The following GNB4 variants were observed in gnomAD, a reference collection of about 807,000 sequenced individuals.
GNB4 encodes G protein subunit beta 4.
A neutral mutation model predicts 45.2 loss-of-function variants in GNB4; 28 were observed. The ratio of observed to expected loss-of-function variants is 0.62; its 90% CI spans 0.46 to 0.85. GNB4 has a LOEUF of 0.85. Among genes scored for constraint, GNB4 ranks in the 40% least tolerant of loss-of-function variants. The pLI is 0.00. For synonymous variants in GNB4, 132 were observed against 143.7 expected (o/e 0.92, Z 0.58); for missense variants, 321 against 425.4 (o/e 0.75, Z 2.16).
chr3:179,443,686 G>A (rs1481426117), intron 1 of GNB4, among the ~76,000 whole-genome samples: 1 of 152,148 alleles, frequency 6.6e-6, no homozygotes, highest in Non-Finnish European at 1.5e-5. Context: ...ACAAGCAAGT[G>A]TACTTATGGT....
chr3:179,451,512 C>G (rs1345058348), upstream of GNB4: 2 of 150,582 alleles, frequency 1.3e-5, no homozygotes, highest in Non-Finnish European at 3.0e-5. Context: ...CGCGGCGCGC[C>G]GGAGCCGGGG....
chr3:179,458,383 T>C, the GNB4 span, among the ~76,000 whole-genome samples: 1 of 152,228 alleles, frequency 6.6e-6, no homozygotes, highest in Non-Finnish European at 1.5e-5. Flanking sequence ...AAGTGTTCTT[T>C]GGGAAAACAC....
At chr3:179,434,095 CT>C (rs772952093) in intron 1 of GNB4, among the ~76,000 whole-genome samples, 1 of 152,220 alleles carries the variant, frequency 6.6e-6, no homozygotes, top group Non-Finnish European at 1.5e-5. Flanking sequence ...ATCTTTCAAC[CT>C]GACAATTCAA....
intron 1 of GNB4, among the ~76,000 whole-genome samples, chr3:179,431,690 G>A (rs544192100): frequency 3.7e-4 from 57 of 152,218 alleles, no homozygotes; most frequent in African/African-American, 1.1e-3. Context: ...TAGATCTACC[G>A]GCTAGATTAT....
At chr3:179,458,039 G>C in the GNB4 span, among the ~76,000 whole-genome samples, 1 of 151,952 alleles carries the variant, frequency 6.6e-6, no homozygotes, top group Non-Finnish European at 1.5e-5. Context: ...TGAGTAGCTG[G>C]AATTACAGGT....
chr3:179,495,545 T>TAAAAG, the GNB4 span, among the ~76,000 whole-genome samples: 1 of 125,544 alleles, frequency 8.0e-6, no homozygotes, highest in Non-Finnish European at 1.7e-5. Context: ...GAGGAGAAAA[T>TAAAAG]AAAAGAAAAG....
chr3:179,408,735 T>C (rs1374348603), intron 8 of GNB4, among the ~76,000 whole-genome samples: 1 of 151,234 alleles, frequency 6.6e-6, no homozygotes, highest in Non-Finnish European at 1.5e-5. Context: ...GAGGTTGCAG[T>C]GAGCCGAGAT....
Position 179,447,005 on chromosome 3 carries a change from G to A in GNB4, c.-43+4341C>T, listed in dbSNP as rs1715749372. Among the ~76,000 whole-genome samples, 3 of 152,212 alleles carry A rather than the reference G, an allele frequency of 2.0e-5. No individual in the cohort carries two copies. The South Asian group carries it at 6.2e-4, about 32-fold the overall frequency. On this transcript the variant is annotated intron_variant, in intron 1 of 9. Transcript: ENST00000232564. The stretch of plus-strand genomic sequence containing the variant: ...TGCTTTGTTCTGTATCTGTCTAGGA[G>A]ATAAATAATACAGCACATCAATAAC...
chr3:179,458,334 A>G, the GNB4 span, among the ~76,000 whole-genome samples: 81 of 152,306 alleles, frequency 5.3e-4, 1 homozygote, highest in East Asian at 8.5e-3. Context: ...GAGAGAAACC[A>G]GCTTCTGCTC....
chr3:179,487,681 G>A, the GNB4 span, among the ~76,000 whole-genome samples: 1 of 152,072 alleles, frequency 6.6e-6, no homozygotes, highest in Non-Finnish European at 1.5e-5. Context: ...CTGCCACAAG[G>A]TTTTTTGTTT....
At chr3:179,511,660 T>C in the GNB4 span, among the ~76,000 whole-genome samples, 4 of 152,102 alleles carry the variant, frequency 2.6e-5, no homozygotes, top group African/African-American at 9.7e-5. Flanking sequence ...ATAAGGTTAT[T>C]ATGAGGATTA....
At chr3:179,494,698 A>C in the GNB4 span, among the ~76,000 whole-genome samples, 1 of 152,046 alleles carries the variant, frequency 6.6e-6, no homozygotes, top group Non-Finnish European at 1.5e-5. Flanking sequence ...TCACGAGGTC[A>C]GGAGATCAAG....
chr3:179,451,031 G>C (rs1242423236), intron 1 of GNB4: 1 of 152,268 alleles, frequency 6.6e-6, no homozygotes, highest in African/African-American at 2.4e-5. Context: ...GAGAAACCAG[G>C]GGGGTCTGCA....
At chr3:179,452,506 C>T (rs996050768), upstream of GNB4, 6 of 152,134 alleles carry the variant, frequency 3.9e-5, no homozygotes, top group African/African-American at 1.2e-4. Flanking sequence ...CATCAGATAA[C>T]TTTAACAACC....
the GNB4 span, among the ~76,000 whole-genome samples, chr3:179,518,454 T>A: frequency 6.6e-6 from 1 of 151,816 alleles, no homozygotes; most frequent in African/African-American, 2.4e-5. Flanking sequence ...TGTCGCTGAG[T>A]CTTTCTTCTT....
chr3:179,426,063 T>G, intron 2 of GNB4, 81 bp downstream of exon 2: 1 of 1,047,674 alleles, frequency 9.5e-7, no homozygotes, highest in Non-Finnish European at 1.5e-6. Context: ...TCATTTAATA[T>G]AGACTGATAA....
At chr3:179,445,278 CT>C (rs532087572) in intron 1 of GNB4, among the ~76,000 whole-genome samples, 1 of 151,802 alleles carries the variant, frequency 6.6e-6, no homozygotes, top group South Asian at 2.1e-4. Context: ...GTACTTTATA[CT>C]TTTTTTTCCT....
chr3:179,485,034 G>A, the GNB4 span, among the ~76,000 whole-genome samples: 49 of 135,974 alleles, frequency 3.6e-4, no homozygotes, highest in Admixed American at 3.5e-3. Context: ...TTTTTGAGAC[G>A]GAGTCTCGCT....
the GNB4 span, among the ~76,000 whole-genome samples, chr3:179,507,892 CA>C: frequency 2.7e-3 from 417 of 152,242 alleles, 4 homozygotes; most frequent in African/African-American, 9.9e-3. Flanking sequence ...ATAGTTAATG[CA>C]CAAAAAACGT....
Sources: allele counts gnomAD v4.1 joint callset (sites outside exome capture counted in the v4.1 genomes callset), GRCh38; gene constraint gnomAD v4.1.1; transcripts MANE v1.5; gene names NCBI Gene and HGNC (gene_info 2026-07-23, HGNC 2026-07-21).